Variants in CHMP4B observed in about 807,000 individuals in gnomAD.
CHMP4B encodes the protein charged multivesicular body protein 4B.
A neutral mutation model predicts 25.1 loss-of-function variants in CHMP4B; 1 was observed. That is an observed-to-expected ratio of 0.04 (90% confidence interval 0.01 to 0.19). The LOEUF (loss-of-function observed/expected upper bound fraction) is 0.19, where lower values mean the gene tolerates loss of function less well. CHMP4B is among the 10% of genes least tolerant of loss of function. CHMP4B has a pLI of 1.00. For synonymous variants in CHMP4B, 101 were observed against 115.6 expected, an observed-to-expected ratio of 0.87 and a Z score of 0.81; for missense variants, 151 against 289.7, an observed-to-expected ratio of 0.52 and a Z score of 3.48.
At chr20:33,821,024 A>G (rs1978924639) in intron 1 of CHMP4B, among the ~76,000 whole-genome samples, 1 of 152,192 alleles carries the variant, frequency 6.6e-6, no homozygotes. Flanking sequence ...TTGTCTTCCT[A>G]CGGAAGGAAG....
At chr20:33,830,230 C>G (rs1601321307) in intron 1 of CHMP4B, among the ~76,000 whole-genome samples, 1 of 152,140 alleles carries the variant, frequency 6.6e-6, no homozygotes, top group African/African-American at 2.4e-5. Context: ...CCAGGAAAAG[C>G]AAGGCGCTGG....
At position 33,850,943 on chromosome 20, in the gene CHMP4B, C is replaced by T. The variant is rs770867018; in HGVS notation, c.369-9C>T. 1.0e-5 allele frequency: 16 copies of T among 1,576,514 alleles called. No individual in the cohort carries two copies. The East Asian group carries it at 3.6e-4, about 35-fold the overall frequency. ...CGATTGATATGATACCTGTCCATTG[C>T]ATTTGAAGGGACATCGATAAAGTTG... On this transcript the variant is annotated splice_polypyrimidine_tract_variant and intron_variant, in intron 2 of 4. Transcript: ENST00000217402.
At chr20:33,823,396 G>T (rs1316233434) in intron 1 of CHMP4B, among the ~76,000 whole-genome samples, 3 of 152,010 alleles carry the variant, frequency 2.0e-5, no homozygotes, top group Non-Finnish European at 4.4e-5. Flanking sequence ...TATTCCATAG[G>T]ATCTCAGCTC....
At position 33,841,701 on chromosome 20, in the gene CHMP4B, C is replaced by T. The variant is rs532882366; in HGVS notation, c.191-6766C>T. Among the ~76,000 whole-genome samples the T allele has an allele frequency of 5.3e-5, 8 of 152,276 alleles. No individual in the cohort carries two copies. The East Asian group carries it at 9.6e-4, about 18-fold the overall frequency. On this transcript the variant is annotated intron_variant, in intron 1 of 4. Transcript: ENST00000217402. ...AGGGGAAGGTATTCTTGAACCAGCC[C>T]GATTAGCACCTCTTTCCCATTCTTT...
At chr20:33,823,986 A>G (rs772302361) in intron 1 of CHMP4B, among the ~76,000 whole-genome samples, 1 of 152,156 alleles carries the variant, frequency 6.6e-6, no homozygotes, top group Admixed American at 6.5e-5. Flanking sequence ...CCAGATTGCT[A>G]TAATCCTTGA....
chr20:33,816,248 G>A (rs1479041477), intron 1 of CHMP4B, among the ~76,000 whole-genome samples: 1 of 152,138 alleles, frequency 6.6e-6, no homozygotes, highest in Non-Finnish European at 1.5e-5. Context: ...GAATGCAGAC[G>A]TGAACCAGAT....
intron 1 of CHMP4B, among the ~76,000 whole-genome samples, chr20:33,831,316 C>T (rs974825325): frequency 5.3e-5 from 8 of 152,262 alleles, no homozygotes; most frequent in Non-Finnish European, 7.4e-5. Flanking sequence ...GAACTCCTGA[C>T]CTCAAGTGAT....
At chr20:33,814,370 G>A (rs1007783731) in intron 1 of CHMP4B, among the ~76,000 whole-genome samples, 2 of 152,206 alleles carry the variant, frequency 1.3e-5, no homozygotes, top group South Asian at 4.1e-4. Flanking sequence ...GTGTATGTGC[G>A]TGTGAGAGAG....
At chr20:33,833,884 G>A (rs971220036) in intron 1 of CHMP4B, among the ~76,000 whole-genome samples, 4 of 152,108 alleles carry the variant, frequency 2.6e-5, no homozygotes, top group African/African-American at 9.7e-5. Flanking sequence ...TTCAGCCTTG[G>A]GACTGTATCA....
intron 1 of CHMP4B, among the ~76,000 whole-genome samples, chr20:33,818,475 T>G (rs1978841397): frequency 6.6e-6 from 1 of 152,206 alleles, no homozygotes; most frequent in Non-Finnish European, 1.5e-5. Context: ...AGGTGCCCTA[T>G]CCTCTCACAC....
intron 1 of CHMP4B, among the ~76,000 whole-genome samples, chr20:33,829,072 T>C (rs778751421): frequency 3.9e-5 from 6 of 152,184 alleles, no homozygotes; most frequent in Non-Finnish European, 8.8e-5. Context: ...AGTACAGAAA[T>C]GAAGAATTGT....
chr20:33,839,439 T>C (rs926790903), intron 1 of CHMP4B, among the ~76,000 whole-genome samples: 1 of 152,222 alleles, frequency 6.6e-6, no homozygotes, highest in African/African-American at 2.4e-5. Flanking sequence ...CAGCAAACTT[T>C]CCAGCTATGT....
intron 1 of CHMP4B, among the ~76,000 whole-genome samples, chr20:33,841,072 T>C (rs1420181205): frequency 6.6e-6 from 1 of 152,224 alleles, no homozygotes; most frequent in Non-Finnish European, 1.5e-5. Flanking sequence ...GTTTAAATGA[T>C]TTGGAGCGTT....
chr20:33,816,322 C>A (rs2747536), intron 1 of CHMP4B, among the ~76,000 whole-genome samples: 1 of 151,994 alleles, frequency 6.6e-6, no homozygotes, highest in Non-Finnish European at 1.5e-5. Flanking sequence ...ATCTCACATG[C>A]CTATGGTGAG....
intron 1 of CHMP4B, among the ~76,000 whole-genome samples, chr20:33,830,686 C>T (rs1979214996): frequency 6.6e-6 from 1 of 152,084 alleles, no homozygotes; most frequent in Admixed American, 6.6e-5. Flanking sequence ...CCTTAATGAC[C>T]TCCAAGAGGC....
chr20:33,818,112 G>C (rs769424381), intron 1 of CHMP4B, among the ~76,000 whole-genome samples: 35 of 152,182 alleles, frequency 2.3e-4, no homozygotes, highest in Non-Finnish European at 4.3e-4. Flanking sequence ...TGTATGTAGA[G>C]TGCCTGCCAG....
intron 1 of CHMP4B, among the ~76,000 whole-genome samples, chr20:33,840,889 G>A (rs1056090012): frequency 2.6e-5 from 4 of 152,150 alleles, no homozygotes; most frequent in African/African-American, 4.8e-5. Context: ...GTTATCATGA[G>A]GGTTATTAGT....
intron 1 of CHMP4B, among the ~76,000 whole-genome samples, chr20:33,827,154 G>T (rs59124533): frequency 7.7e-4 from 118 of 152,264 alleles, no homozygotes; most frequent in African/African-American, 2.7e-3. Flanking sequence ...CCATCACCCA[G>T]ATTGGTCTGG....
chr20:33,815,032 A>G (rs567002946), intron 1 of CHMP4B, among the ~76,000 whole-genome samples: 1 of 152,212 alleles, frequency 6.6e-6, no homozygotes, highest in Non-Finnish European at 1.5e-5. Context: ...AGAAGTGTAG[A>G]CTGACCAGGA....
Sources: allele counts gnomAD v4.1 joint callset (sites outside exome capture counted in the v4.1 genomes callset), GRCh38; gene constraint gnomAD v4.1.1; transcripts MANE v1.5; gene names NCBI Gene and HGNC (gene_info 2026-07-23, HGNC 2026-07-21).